The following RAB26 variants were observed in gnomAD, a reference collection of about 807,000 sequenced individuals.
RAB26 encodes RAB26, member RAS oncogene family, also known as ras-related protein Rab-26.
Under a neutral mutation model 33.1 loss-of-function variants are expected in RAB26, and 39 were observed. The ratio of observed to expected loss-of-function variants is 1.18; its 90% CI spans 0.91 to 1.54. The LOEUF is 1.54. RAB26 is among the 40% of genes most tolerant of loss of function. The probability of loss-of-function intolerance (pLI) is 0.00; values close to 1 mark genes in which losing one functional copy is unlikely to be tolerated. For missense variants in RAB26, 468 were observed against 362.9 expected, an observed-to-expected ratio of 1.29 and a Z score of -2.35; for synonymous variants, 192 against 151.9, an observed-to-expected ratio of 1.26 and a Z score of -1.94.
At position 2,153,156 on chromosome 16, in the gene RAB26, T is replaced by G; in HGVS notation, c.602T>G (p.Leu201Arg). ...AGCAGCTGTTTACAGGAGTATGGAC[T>G]GCCCTTCATGGAGACCAGCGCCAAG... is the stretch of plus-strand genomic sequence containing the variant. ...DGEKLAKEYG[L>R]PFMETSAKTG... Residue 201 changes from leucine (L) to arginine (R), a missense_variant, in exon 8 of 9, where the codon CTG becomes CGG. By Grantham distance (102) the Leu-to-Arg change is moderately radical. Transcript: ENST00000210187. 6.2e-7 allele frequency: 1 copy of G among 1,613,828 alleles called. No homozygotes were observed. Among genetic ancestry groups the G allele is most frequent in the Non-Finnish European group, 8.5e-7 (1 of 1,180,020 alleles).
intron 2 of RAB26, chr16:2,151,252 C>T: frequency 1.8e-6 from 1 of 552,256 alleles, no homozygotes; most frequent in Non-Finnish European, 3.4e-6. Context: ...ACTGGGAAGG[C>T]TGAGGCGTTG....
chr16:2,152,686 CTT>C (rs764789094), intron 5 of RAB26, 132 bp from the exon 6 acceptor site: 46 of 637,868 alleles, frequency 7.2e-5, no homozygotes, highest in African/African-American at 1.8e-4. Context: ...GGGCGAGACT[CTT>C]GTCTCAAAAA....
chr16:2,152,274 T>G (rs1305844856), intron 5 of RAB26, among the ~76,000 whole-genome samples: 1 of 151,938 alleles, frequency 6.6e-6, no homozygotes, highest in African/African-American at 2.4e-5. Flanking sequence ...GCCGGGCGTT[T>G]TGGCACACAC....
chr16:2,152,951 A>C (rs1263672909), intron 6 of RAB26, 38 bp from the exon 7 acceptor site: 14 of 1,583,000 alleles, frequency 8.8e-6, no homozygotes, highest in Non-Finnish European at 1.1e-5. Context: ...GGGGCCAACC[A>C]TGGGCCAGCT....
chr16:2,149,366 G>T (rs1263662639), intron 1 of RAB26, among the ~76,000 whole-genome samples: 3 of 150,326 alleles, frequency 2.0e-5, no homozygotes, highest in African/African-American at 7.4e-5. Context: ...GGGAACCCTG[G>T]GACTCCAGAC....
In RAB26 at chr16:2,149,896, G is replaced by A. The variant is rs201919970; in HGVS notation, c.196-45G>A. ...CTGCAGCCCCCTTCTGACCAGGCCAGCTCAGGGCAGACCAGACTCCCCCCA... is the reference window on the plus strand; with the variant it reads ...CTGCAGCCCCCTTCTGACCAGGCCAACTCAGGGCAGACCAGACTCCCCCCA... On this transcript the variant is annotated intron_variant, in intron 1 of 8. Coordinates refer to ENST00000210187, the MANE Select transcript of RAB26 (RefSeq NM_014353.5). 3.3e-4 allele frequency: 474 copies of A among 1,446,050 alleles called. 8 individuals carry two copies. In the South Asian group the frequency reaches 6.4e-3, roughly 20 times the overall value. 89.6% of individuals were successfully genotyped at this position (1,446,050 alleles called of 1,614,324 possible).
chr16:2,151,849 T>C lies in RAB26; in HGVS notation c.416-7T>C. The C allele has an allele frequency of 6.2e-7, 1 of 1,614,128 alleles. No homozygotes were observed. Among genetic ancestry groups the C allele is most frequent in the Non-Finnish European group, 8.5e-7 (1 of 1,180,032 alleles). On this transcript the variant is annotated splice_polypyrimidine_tract_variant and splice_region_variant and intron_variant, in intron 4 of 8. Transcript: ENST00000210187. ...TGGTGGATGTCCTCACTGCCCTCTG[T>C]CCCCAGCTCTGCTGCTGCTCTACGA...
At chr16:2,149,056 G>A in intron 1 of RAB26, 78 bp downstream of exon 1, 1 of 1,235,788 alleles carries the variant, frequency 8.1e-7, no homozygotes, top group Non-Finnish European at 1.0e-6. Context: ...GTCGGACAGG[G>A]GGTGCAGGGC....
chr16:2,153,829 G>A lies in RAB26; in HGVS notation c.*408G>A, dbSNP rs1164173606. 1 of 463,164 alleles carries A rather than the reference G, an allele frequency of 2.2e-6. No homozygotes were observed. The highest frequency in any genetic ancestry group is 2.3e-5 in the Admixed American group (1 of 42,754). The allele number at this position is 463,164 out of a possible 1,614,324, so 28.7% of individuals were successfully genotyped here. On this transcript the variant is annotated 3_prime_UTR_variant, in exon 9 of 9. Transcript: ENST00000210187. ...AAGGGAGGACGCCTGCCCACGCCTG[G>A]GACAGAAGGCTTCACTGCTAATCAC...
Position 2,149,994 on chromosome 16 carries a change from C to T in RAB26, c.249C>T (p.Phe83=), listed in dbSNP as rs565213465. The T allele has an allele frequency of 2.1e-4, 323 of 1,544,826 alleles. 3 individuals are homozygous for T. In the South Asian group the frequency reaches 3.7e-3, roughly 18 times the overall value. Residue 83 remains phenylalanine, a synonymous_variant, in exon 2 of 9, where the codon TTC becomes TTT. Coordinates refer to ENST00000210187, the MANE Select transcript of RAB26 (RefSeq NM_014353.5). ...GGAAGACCTGTCTGCTGGTGCGATT[C>T]AAGGATGGTGCTTTCCTGGCGGGGA... ...GVGKTCLLVR[F]KDGAFLAGTF...
intron 2 of RAB26, chr16:2,150,994 G>C (rs937043363): frequency 3.0e-6 from 1 of 329,556 alleles, no homozygotes; most frequent in South Asian, 2.3e-5. Context: ...ACGTCTAATC[G>C]TTAACTGGGA....
chr16:2,150,156 C>CA, intron 2 of RAB26, 105 bp downstream of exon 2: 1 of 1,027,144 alleles, frequency 9.7e-7, no homozygotes, highest in Non-Finnish European at 1.4e-6. Flanking sequence ...GCCTGGACCC[C>CA]AGAAGCTGCC....
In RAB26 at chr16:2,148,989, C is replaced by A. The variant is rs2092995705; in HGVS notation, c.195+11C>A. 3 of 1,273,704 alleles carry A rather than the reference C, an allele frequency of 2.4e-6. No homozygotes were observed. Among genetic ancestry groups the A allele is most frequent in the Non-Finnish European group, 3.0e-6 (3 of 1,009,346 alleles). 78.9% of individuals were successfully genotyped at this position (1,273,704 alleles called of 1,614,324 possible). On this transcript the variant is annotated intron_variant, in intron 1 of 8. Coordinates refer to ENST00000210187, the MANE Select transcript of RAB26 (RefSeq NM_014353.5). ...GACGTCGCCTTCAAGGTGAGCCAGG[C>A]ACCCGCCCCCCAGGCCAGCGCAGCA...
At chr16:2,153,125 G>C (rs752344490) in intron 7 of RAB26, 21 bp from the exon 8 acceptor site, 43 of 1,613,538 alleles carry the variant, frequency 2.7e-5, no homozygotes, top group Non-Finnish European at 3.6e-5. Context: ...CCACCACCTG[G>C]CTGGCAGCAG....
chr16:2,149,866 C>T (rs930195595), intron 1 of RAB26, 75 bp from the exon 2 acceptor site: 3 of 1,209,242 alleles, frequency 2.5e-6, no homozygotes, highest in African/African-American at 3.2e-5. Flanking sequence ...ACTCCTGCTC[C>T]TCACCTGCAG....
In RAB26 at chr16:2,153,356, C is replaced by G. The variant is rs778217092; in HGVS notation, c.706C>G (p.Pro236Ala). 2.5e-6 allele frequency: 4 copies of G among 1,613,390 alleles called. No homozygotes were observed. The African/African-American group carries it at 5.3e-5, about 22-fold the overall frequency. The change falls in exon 9 of 9, where the codon CCG (proline) becomes GCG (alanine). Residue 236 changes from proline to alanine, a missense_variant. By Grantham distance (27) the Pro-to-Ala change is conservative (BLOSUM62 -1). Transcript: ENST00000210187. ...KQRSMKAPSE[P>A]RFRLHDYVKR... The stretch of plus-strand genomic sequence containing the variant: ...GCGCTCCATGAAGGCTCCCAGCGAG[C>G]CGCGCTTCCGGCTGCATGATTACGT...
intron 2 of RAB26, among the ~76,000 whole-genome samples, chr16:2,150,293 T>C (rs993181928): frequency 6.6e-6 from 1 of 152,182 alleles, no homozygotes; most frequent in East Asian, 1.9e-4. Context: ...CACTGTTGCC[T>C]ACAGGGTGGT....
Position 2,150,839 on chromosome 16 carries a change from C to T in RAB26, c.307-730C>T, listed in dbSNP as rs76022114. The stretch of plus-strand genomic sequence containing the variant: ...CCAGCAGATGGCCCTGCCTGGTTCC[C>T]GGGAGACCCAGAAGCACTCTGACAG... On this transcript the variant is annotated intron_variant, in intron 2 of 8. Transcript: ENST00000210187. Among the ~76,000 whole-genome samples the T allele has an allele frequency of 8.2e-3, 1,252 of 152,290 alleles. 18 individuals carry two copies. The highest frequency in any genetic ancestry group is 0.029 in the African/African-American group (1,189 of 41,538).
chr16:2,149,869 A>T (rs1163364370), intron 1 of RAB26, 72 bp from the exon 2 acceptor site: 1 of 1,226,704 alleles, frequency 8.2e-7, no homozygotes, highest in Non-Finnish European at 1.1e-6. Context: ...CCTGCTCCTC[A>T]CCTGCAGCCC....
Sources: gnomAD v4.1 joint callset for allele counts (sites outside exome capture counted in the v4.1 genomes callset) on GRCh38, gnomAD v4.1.1 for gene constraint, MANE v1.5 for transcripts, NCBI Gene and HGNC (gene_info 2026-07-23, HGNC 2026-07-21) for gene names.